The following NUP93 variants were observed in gnomAD, a reference collection of about 807,000 sequenced individuals.
NUP93 encodes nuclear pore complex protein Nup93.
NUP93 carries 55 observed loss-of-function variants against 107.8 expected under a neutral mutation model. The ratio of observed to expected loss-of-function variants is 0.51; its 90% CI spans 0.41 to 0.64. The LOEUF (loss-of-function observed/expected upper bound fraction) is 0.64. NUP93 is among the 30% of genes least tolerant of loss of function. The pLI, the probability that NUP93 is intolerant of heterozygous loss-of-function variation, is 0.00. For missense variants in NUP93, 937 were observed against 1,044.7 expected, an observed-to-expected ratio of 0.90 and a Z score of 1.42; for synonymous variants, 390 against 397.5, an observed-to-expected ratio of 0.98 and a Z score of 0.22.
Position 56,827,044 on chromosome 16 carries a change from C to CAAAAAAAAAAAAAAAAAAAA in NUP93, c.795-1927_795-1908dup, listed in dbSNP as rs1188027635. 5.4e-4 allele frequency among the ~76,000 whole-genome samples: 29 copies of CAAAAAAAAAAAAAAAAAAAA among 53,610 alleles called. 1 individual carries two copies. Among genetic ancestry groups the CAAAAAAAAAAAAAAAAAAAA allele is most frequent in the African/African-American group, 1.9e-3 (27 of 14,306 alleles). 35.2% of individuals were successfully genotyped at this position (53,610 alleles called of 152,430 possible). ...CTGGGGATGGAATGAGACTCCGTCT[C>CAAAAAAAAAAAAAAAAAAAA]AAAAAAAAAAAAAAAAAAAAAAAAA... On this transcript the variant is annotated intron_variant, in intron 8 of 21. Coordinates refer to ENST00000308159, the MANE Select transcript of NUP93 (RefSeq NM_014669.5).
At chr16:56,817,534 C>G (rs148009236) in intron 5 of NUP93, among the ~76,000 whole-genome samples, 1 of 152,132 alleles carries the variant, frequency 6.6e-6, no homozygotes, top group Non-Finnish European at 1.5e-5. Flanking sequence ...AGAATTTGAT[C>G]TCTGCTATGC....
rs144522797 is a variant in NUP93, at chr16:56,787,084, G to A, written c.298-11392G>A. Among the ~76,000 whole-genome samples the A allele has an allele frequency of 2.0e-5, 3 of 152,326 alleles. No individual in the cohort carries two copies. The East Asian group carries it at 5.8e-4, about 29-fold the overall frequency. ...AAACTTAATTAAGGTTTTAGAGAGT[G>A]TGAAATCACCAATACTGTTAACAAA... is the stretch of plus-strand genomic sequence containing the variant. On this transcript the variant is annotated intron_variant, in intron 3 of 21. Coordinates refer to ENST00000308159, the MANE Select transcript of NUP93 (RefSeq NM_014669.5).
chr16:56,763,774 T>G (rs1192035276), intron 3 of NUP93, among the ~76,000 whole-genome samples: 1 of 152,012 alleles, frequency 6.6e-6, no homozygotes, highest in East Asian at 1.9e-4. Flanking sequence ...ACAAAGTAAA[T>G]AGAAATCTAG....
At chr16:56,801,333 G>A (rs1365132585) in intron 4 of NUP93, among the ~76,000 whole-genome samples, 1 of 152,246 alleles carries the variant, frequency 6.6e-6, no homozygotes, top group African/African-American at 2.4e-5. Flanking sequence ...TTAGCCCACA[G>A]ATTGAATGTT....
rs373612125 is a variant in NUP93 at position 56,740,871 on chromosome 16, C to G, written c.-14-7363C>G. 2.6e-4 allele frequency: 50 copies of G among 195,640 alleles called. No individual in the cohort carries two copies. The East Asian group carries it at 7.2e-3, about 28-fold the overall frequency. The allele number at this position is 195,640 out of a possible 1,614,324, so 12.1% of individuals were successfully genotyped here. On this transcript the variant is annotated intron_variant, in intron 1 of 21. Coordinates refer to ENST00000308159, the MANE Select transcript of NUP93 (RefSeq NM_014669.5). ...AAACCCCGTCTCCACCAAAACCAGT[C>G]AGGCGTGGCGGCGCGAGCCTGCAAT...
intron 8 of NUP93, among the ~76,000 whole-genome samples, chr16:56,825,368 C>G (rs1359175578): frequency 6.6e-6 from 1 of 151,962 alleles, no homozygotes; most frequent in East Asian, 1.9e-4. Context: ...CCATGCCTGG[C>G]TAATTTTTGT....
chr16:56,772,960 T>A (rs561585533), intron 3 of NUP93, among the ~76,000 whole-genome samples: 5 of 152,304 alleles, frequency 3.3e-5, no homozygotes, highest in Admixed American at 6.5e-5. Context: ...GAAGGTTAAG[T>A]TGATCACCAG....
At chr16:56,800,926 A>G (rs748429636) in intron 4 of NUP93, among the ~76,000 whole-genome samples, 4 of 152,204 alleles carry the variant, frequency 2.6e-5, no homozygotes, top group East Asian at 1.9e-4. Context: ...CAGCTGTCCA[A>G]TTCTTCCCAT....
chr16:56,814,211 G>T (rs1963372915), intron 5 of NUP93, among the ~76,000 whole-genome samples: 1 of 151,890 alleles, frequency 6.6e-6, no homozygotes, highest in African/African-American at 2.4e-5. Flanking sequence ...TTGAGATAGG[G>T]TCTCTGTCAC....
In NUP93 at chr16:56,841,291, G is replaced by A. The variant is rs112629932; in HGVS notation, c.2221-414G>A. On this transcript the variant is annotated intron_variant, in intron 20 of 21. Transcript: ENST00000308159. The stretch of plus-strand genomic sequence containing the variant: ...CATGCAGATCTAGTGGAAACAGCCC[G>A]GTGAGTTTGAGAGAGTGAGGAGTGG... Among the ~76,000 whole-genome samples, 457 of 152,306 alleles carry A rather than the reference G, an allele frequency of 3.0e-3. 4 individuals carry two copies. The highest frequency in any genetic ancestry group is 0.011 in the African/African-American group (445 of 41,558).
chr16:56,775,053 C>G (rs1279155980), intron 3 of NUP93, among the ~76,000 whole-genome samples: 1 of 151,954 alleles, frequency 6.6e-6, no homozygotes, highest in African/African-American at 2.4e-5. Context: ...GCACATGCCA[C>G]CATGCCTGGC....
intron 3 of NUP93, among the ~76,000 whole-genome samples, chr16:56,792,375 C>T (rs779604103): frequency 6.6e-6 from 1 of 152,136 alleles, no homozygotes; most frequent in African/African-American, 2.4e-5. Context: ...GTTTATCTCA[C>T]CTTGATTTGC....
intron 3 of NUP93, among the ~76,000 whole-genome samples, chr16:56,759,721 G>C (rs189186085): frequency 6.6e-6 from 1 of 150,398 alleles, no homozygotes; most frequent in Non-Finnish European, 1.5e-5. Flanking sequence ...CCCCTCCCCC[G>C]TACAACTGCT....
chr16:56,829,149 G>C, intron 9 of NUP93, 40 bp downstream of exon 9: 1 of 1,589,672 alleles, frequency 6.3e-7, no homozygotes, highest in Non-Finnish European at 8.5e-7. Flanking sequence ...TACACCCCCA[G>C]AGCAGTTGCC....
chr16:56,809,054 T>G (rs1963254784), intron 5 of NUP93, among the ~76,000 whole-genome samples: 1 of 152,148 alleles, frequency 6.6e-6, no homozygotes, highest in Non-Finnish European at 1.5e-5. Flanking sequence ...TACTGAATGC[T>G]CTGTTCTGCA....
At position 56,772,890 on chromosome 16, in the gene NUP93, G is replaced by A. The variant is rs543304501; in HGVS notation, c.297+14235G>A. On this transcript the variant is annotated intron_variant, in intron 3 of 21. Transcript: ENST00000308159. ...TTCTGTTACAGTACTGTGATAGTGCGAAATATGTATTTGGTCTTGGACCCT... is the reference window on the plus strand; with the variant it reads ...TTCTGTTACAGTACTGTGATAGTGCAAAATATGTATTTGGTCTTGGACCCT... Among the ~76,000 whole-genome samples the A allele has an allele frequency of 3.3e-5, 5 of 152,308 alleles. No homozygotes were observed. The East Asian group carries it at 7.7e-4, about 24-fold the overall frequency.
At chr16:56,844,283 GA>G (rs1419003369) in intron 21 of NUP93, among the ~76,000 whole-genome samples, 1 of 152,188 alleles carries the variant, frequency 6.6e-6, no homozygotes. Context: ...GATGCCTGTG[GA>G]ACAGAGGCCT....
rs778788608 is a variant in NUP93, at chr16:56,748,323, C to T, written c.76C>T (p.Leu26Phe). The T allele has an allele frequency of 6.2e-7, 1 of 1,614,036 alleles. No homozygotes were observed. Among genetic ancestry groups the T allele is most frequent in the South Asian group, 1.1e-5 (1 of 91,088 alleles). The change falls in exon 2 of 22, where the codon CTT becomes TTT. Residue 26 changes from leucine to phenylalanine, a missense_variant. Transcript: ENST00000308159. ...LAAETEGISELPHVERNLQEI... is the reference protein window; with the variant it reads ...LAAETEGISEFPHVERNLQEI... ...TGCTGAGACTGAGGGCATCTCAGAG[C>T]TTCCCCATGTGGAACGGAACTTACA...
At chr16:56,823,895 C>A in intron 8 of NUP93, 49 bp downstream of exon 8, 3 of 1,595,064 alleles carry the variant, frequency 1.9e-6, no homozygotes, top group South Asian at 2.2e-5. Context: ...CCTTTGCAGT[C>A]AACTGTTTCT....
Sources: allele counts gnomAD v4.1 joint callset (sites outside exome capture counted in the v4.1 genomes callset), GRCh38; gene constraint gnomAD v4.1.1; transcripts MANE v1.5; gene names NCBI Gene and HGNC (gene_info 2026-07-23, HGNC 2026-07-21).